The following DGKB variants were observed in gnomAD, a reference collection of about 807,000 sequenced individuals.
The protein encoded by DGKB is diacylglycerol kinase beta, also known as 90 kDa diacylglycerol kinase.
Under a neutral mutation model 114.3 loss-of-function variants are expected in DGKB, and 67 were observed. The ratio of observed to expected loss-of-function variants is 0.59; its 90% CI spans 0.48 to 0.72. The LOEUF is 0.72. Among genes scored for constraint, DGKB ranks in the 30% least tolerant of loss-of-function variants. DGKB has a pLI of 0.00. For synonymous variants in DGKB, 398 were observed against 323.1 expected (o/e 1.23, Z -2.49); for missense variants, 907 against 975.2 (o/e 0.93, Z 0.93).
At chr7:14,288,239 T>C (rs1237664567) in intron 23 of DGKB, among the ~76,000 whole-genome samples, 1 of 143,980 alleles carries the variant, frequency 6.9e-6, no homozygotes, top group Non-Finnish European at 1.5e-5. Flanking sequence ...TTTTAATTTT[T>C]TTTTTTTGTT....
At chr7:14,623,301 T>A (rs564867881) in intron 14 of DGKB, among the ~76,000 whole-genome samples, 119 of 152,270 alleles carry the variant, frequency 7.8e-4, no homozygotes, top group African/African-American at 2.2e-3. Flanking sequence ...TATTTCCTAG[T>A]TCCTATATTT....
chr7:14,922,374 TCGTGTG>T (rs1784545347), intron 1 of DGKB, among the ~76,000 whole-genome samples: 1 of 97,042 alleles, frequency 1.0e-5, no homozygotes, highest in Admixed American at 1.1e-4. Flanking sequence ...TGTGTATCCA[TCGTGTG>T]TGTGTGTGTG....
intron 21 of DGKB, among the ~76,000 whole-genome samples, chr7:14,346,823 C>T (rs2128595723): frequency 6.6e-6 from 1 of 151,988 alleles, no homozygotes. Context: ...TGATGAAAAA[C>T]ATATCATTCT....
intron 2 of DGKB, among the ~76,000 whole-genome samples, chr7:14,787,980 T>C (rs897966951): frequency 5.9e-5 from 9 of 152,154 alleles, no homozygotes; most frequent in Non-Finnish European, 1.2e-4. Context: ...CAGAGGCACA[T>C]AGGGCCTGGC....
At chr7:14,726,256 C>T (rs1349598014) in intron 5 of DGKB, among the ~76,000 whole-genome samples, 1 of 152,132 alleles carries the variant, frequency 6.6e-6, no homozygotes, top group East Asian at 1.9e-4. Context: ...TCTCCTGCCT[C>T]AGCCTCCCAG....
At chr7:14,298,460 A>G (rs1179848385) in intron 23 of DGKB, among the ~76,000 whole-genome samples, 3 of 152,202 alleles carry the variant, frequency 2.0e-5, no homozygotes, top group African/African-American at 7.2e-5. Context: ...TGGGGAAAGG[A>G]TTTCCTATTT....
chr7:14,257,753 T>A (rs1405886687), intron 23 of DGKB, among the ~76,000 whole-genome samples: 2 of 152,092 alleles, frequency 1.3e-5, no homozygotes, highest in Non-Finnish European at 2.9e-5. Flanking sequence ...TGAGATGGAG[T>A]TTGGCTCTTG....
At chr7:14,365,182 T>A (rs1816455721) in intron 21 of DGKB, among the ~76,000 whole-genome samples, 1 of 151,966 alleles carries the variant, frequency 6.6e-6, no homozygotes, top group Non-Finnish European at 1.5e-5. Flanking sequence ...GAATGAATAA[T>A]GAGAATAAAT....
At chr7:14,464,694 G>A (rs568781665) in intron 21 of DGKB, among the ~76,000 whole-genome samples, 1 of 152,220 alleles carries the variant, frequency 6.6e-6, no homozygotes, top group South Asian at 2.1e-4. Flanking sequence ...TCATTAAAAA[G>A]TTTCAGTAGA....
chr7:14,149,451 G>A (rs1781862102), intron 25 of DGKB, among the ~76,000 whole-genome samples: 1 of 152,120 alleles, frequency 6.6e-6, no homozygotes, highest in African/African-American at 2.4e-5. Context: ...CAGTGCTCAG[G>A]ATAATAATTT....
rs950837489 is a variant in DGKB, at chr7:14,370,635, C to T, written c.1836-25244G>A. Among the ~76,000 whole-genome samples the T allele has an allele frequency of 7.2e-5, 11 of 152,062 alleles. No individual in the cohort carries two copies. The South Asian group carries it at 2.3e-3, about 32-fold the overall frequency. ...GTTTGTAATTATCCTTGAAGAGGTC[C>T]TTCACTTCCCTTGTAAGTGAGTTTT... On this transcript the variant is annotated intron_variant, in intron 21 of 25. Coordinates refer to ENST00000402815, the MANE Select transcript of DGKB (RefSeq NM_001350709.2).
chr7:14,283,743 G>A (rs1800355627), intron 23 of DGKB, among the ~76,000 whole-genome samples: 1 of 152,138 alleles, frequency 6.6e-6, no homozygotes, highest in African/African-American at 2.4e-5. Flanking sequence ...TGACAAACCT[G>A]ACAAAAACAA....
At chr7:14,150,287 GCAC>G (rs1016644875) in intron 25 of DGKB, among the ~76,000 whole-genome samples, 4 of 152,046 alleles carry the variant, frequency 2.6e-5, no homozygotes, top group Admixed American at 6.6e-5. Context: ...TCAAAAAGAA[GCAC>G]CACCTCATTA....
intron 20 of DGKB, among the ~76,000 whole-genome samples, chr7:14,563,120 T>C (rs1344870855): frequency 6.6e-6 from 1 of 152,168 alleles, no homozygotes; most frequent in Non-Finnish European, 1.5e-5. Flanking sequence ...ACACGCTCTC[T>C]TGCCTGCCAC....
intron 13 of DGKB, among the ~76,000 whole-genome samples, chr7:14,659,385 G>C (rs986905506): frequency 4.0e-5 from 6 of 151,858 alleles, no homozygotes; most frequent in Non-Finnish European, 7.4e-5. Context: ...TCTTCCATTT[G>C]TTTGTATCCT....
At chr7:14,906,447 C>CTTTTTTTTTTTTTTTTTTTTTTT (rs34250901), upstream of DGKB, among the ~76,000 whole-genome samples, 1 of 103,882 alleles carries the variant, frequency 9.6e-6, no homozygotes, top group Non-Finnish European at 2.0e-5. Flanking sequence ...TTTTTTCTGT[C>CTTTTTTTTTTTTTTTTTTTTTTT]TTTTTTTTTT....
At chr7:14,717,498 ATATT>A (rs1350361262) in intron 6 of DGKB, among the ~76,000 whole-genome samples, 2 of 152,132 alleles carry the variant, frequency 1.3e-5, no homozygotes, top group East Asian at 1.9e-4. Flanking sequence ...TAATAAATAT[ATATT>A]TAAAGATGAT....
intron 4 of DGKB, among the ~76,000 whole-genome samples, chr7:14,744,475 C>G (rs1322807315): frequency 6.6e-6 from 1 of 152,130 alleles, no homozygotes; most frequent in Non-Finnish European, 1.5e-5. Flanking sequence ...AAGAATGTCA[C>G]TTTCTAATGG....
At chr7:14,316,705 AC>A (rs2128520613) in intron 23 of DGKB, among the ~76,000 whole-genome samples, 1 of 149,138 alleles carries the variant, frequency 6.7e-6, no homozygotes, top group East Asian at 2.0e-4. Flanking sequence ...TACCAGAGGT[AC>A]AAGGAGGAAT....
Sources: allele counts gnomAD v4.1 joint callset (sites outside exome capture counted in the v4.1 genomes callset), GRCh38; gene constraint gnomAD v4.1.1; transcripts MANE v1.5; gene names NCBI Gene and HGNC (gene_info 2026-07-23, HGNC 2026-07-21).